Variants in HERC1 observed in about 807,000 individuals in gnomAD.
The protein encoded by HERC1 is HECT and RLD domain containing E3 ubiquitin protein ligase family member 1.
In HERC1, 160 loss-of-function variants were observed where a neutral mutation model predicts 554.3. The observed-to-expected ratio is 0.29, with a 90% CI of 0.25 to 0.33. The LOEUF (loss-of-function observed/expected upper bound fraction) is 0.33. Ranked by LOEUF, HERC1 falls within the 10% of genes least tolerant of loss-of-function variation. The probability of loss-of-function intolerance (pLI) is 1.00; values close to 1 mark genes in which losing one functional copy is unlikely to be tolerated. For synonymous variants in HERC1, 2,175 were observed against 2,131.7 expected, an observed-to-expected ratio of 1.02 and a Z score of -0.56; for missense variants, 4,919 against 5,918.5, an observed-to-expected ratio of 0.83 and a Z score of 5.54.
intron 32 of HERC1, among the ~76,000 whole-genome samples, chr15:63,689,935 G>C (rs1422098606): frequency 6.6e-6 from 1 of 151,972 alleles, no homozygotes; most frequent in Non-Finnish European, 1.5e-5. Flanking sequence ...AGGCTGAGGC[G>C]GGTGGATTGC....
chr15:63,729,385 T>C lies in HERC1; in HGVS notation c.3022-17A>G, dbSNP rs1408803728. 3.1e-6 allele frequency: 5 copies of C among 1,590,594 alleles called. No individual in the cohort carries two copies. The highest frequency in any genetic ancestry group is 1.4e-5 in the African/African-American group (1 of 73,352). ...GCTTGAGTTCTAAGAAGAAAAAAAG[T>C]TCCTAAATTACTACTTTGAAAGATT... On this transcript the variant is annotated splice_polypyrimidine_tract_variant and intron_variant, in intron 15 of 77. Transcript: ENST00000443617.
At chr15:63,824,035 T>G (rs2077796820) in intron 1 of HERC1, among the ~76,000 whole-genome samples, 1 of 152,064 alleles carries the variant, frequency 6.6e-6, no homozygotes, top group African/African-American at 2.4e-5. Flanking sequence ...TAAAAATGCC[T>G]CAACATCACT....
chr15:63,768,129 T>C (rs540832974), intron 2 of HERC1, among the ~76,000 whole-genome samples: 1 of 152,374 alleles, frequency 6.6e-6, no homozygotes, highest in South Asian at 2.1e-4. Context: ...ACATTGCTCA[T>C]CGTCTTCAGA....
In HERC1 at chr15:63,634,987, T is replaced by A. The variant is rs1172511975; in HGVS notation, c.12415-99A>T. On this transcript the variant is annotated intron_variant, in intron 65 of 77. Transcript: ENST00000443617. ...TATTAATATAGCAATAAACTTTACA[T>A]AAACTTCACTGAAAACTGGATCTTC... 5.0e-6 allele frequency: 4 copies of A among 793,818 alleles called. No individual in the cohort carries two copies. The African/African-American group carries it at 7.1e-5, about 14-fold the overall frequency. 49.2% of individuals were successfully genotyped at this position (793,818 alleles called of 1,614,324 possible). A position where few individuals can be genotyped will look rare whatever the true frequency, so the allele number is the denominator to read the frequency against.
chr15:63,673,414 G>A (rs985026703), intron 38 of HERC1, among the ~76,000 whole-genome samples: 1 of 151,922 alleles, frequency 6.6e-6, no homozygotes, highest in African/African-American at 2.4e-5. Flanking sequence ...AGAAGAAAAG[G>A]AATAAGTACA....
At chr15:63,663,318 G>T in intron 43 of HERC1, 114 bp from the exon 44 acceptor site, 1 of 837,710 alleles carries the variant, frequency 1.2e-6, no homozygotes. Flanking sequence ...TTGTCTTATT[G>T]GATCTCAGAC....
chr15:63,774,998 G>A lies in HERC1; in HGVS notation c.626C>T (p.Ala209Val). Residue 209 changes from alanine to valine, a missense_variant, in exon 2 of 78, where the codon GCA becomes GTA. This residue lies in a region of HERC1 where 744 missense variants were observed against 1,090.0 expected (regional missense o/e 0.68). Coordinates refer to ENST00000443617, the MANE Select transcript of HERC1 (RefSeq NM_003922.4). ...CATAGGAGGAATCTTGCTTTCATTT[G>A]CTAATGATAATGGTGGCAAAGAGCT... ...VVSSLPPLSL[A>V]NESKIPPMGL... 5 of 1,613,996 alleles carry A rather than the reference G, an allele frequency of 3.1e-6. No homozygotes were observed. The highest frequency in any genetic ancestry group is 3.4e-6 in the Non-Finnish European group (4 of 1,179,870).
intron 12 of HERC1, among the ~76,000 whole-genome samples, chr15:63,745,805 G>A (rs1351363140): frequency 6.6e-6 from 1 of 152,222 alleles, no homozygotes; most frequent in Admixed American, 6.5e-5. Context: ...GGAATGATCA[G>A]TGGAGCCTTC....
chr15:63,799,166 C>T (rs975286200), intron 1 of HERC1, among the ~76,000 whole-genome samples: 2 of 152,144 alleles, frequency 1.3e-5, no homozygotes, highest in Non-Finnish European at 2.9e-5. Flanking sequence ...TTCTGCCTAT[C>T]TCTTTCCTCA....
chr15:63,713,626 C>G lies in HERC1; in HGVS notation c.4190G>C (p.Arg1397Pro). Reference protein sequence around the residue: ...QCFLSAREVARSRDRDRMNSG... With the variant: ...QCFLSAREVAPSRDRDRMNSG... The stretch of plus-strand genomic sequence containing the variant: ...GTTCATTCTATCTCGGTCTCGGCTA[C>G]GAGCTACTTCACGGGCTGAGAGGAA... The change falls in exon 23 of 78, where the codon CGT becomes CCT. Residue 1397 changes from arginine to proline, a missense_variant. By Grantham distance (103) the Arg-to-Pro change is moderately radical. Around this residue, in one of 11 missense-constraint regions of HERC1, gnomAD observed 1,121 missense variants for 1,244.0 expected, o/e 0.90. Transcript: ENST00000443617. 1 of 1,612,694 alleles carries G rather than the reference C, an allele frequency of 6.2e-7. No individual in the cohort carries two copies. The highest frequency in any genetic ancestry group is 2.2e-5 in the East Asian group (1 of 44,836).
chr15:63,695,374 C>A (rs1405043296), intron 27 of HERC1, among the ~76,000 whole-genome samples: 4 of 143,848 alleles, frequency 2.8e-5, no homozygotes, highest in Non-Finnish European at 4.5e-5. Context: ...ATTGTTGAGT[C>A]TGTATAATCT....
intron 2 of HERC1, 52 bp from the exon 3 acceptor site, chr15:63,764,243 A>T: frequency 8.3e-7 from 1 of 1,198,762 alleles, no homozygotes; most frequent in Non-Finnish European, 1.2e-6. Flanking sequence ...AGACATATGC[A>T]TTAAAATTAG....
chr15:63,626,382 T>A (rs1237407656), intron 70 of HERC1, among the ~76,000 whole-genome samples: 2 of 152,250 alleles, frequency 1.3e-5, no homozygotes, highest in Non-Finnish European at 2.9e-5. Context: ...AATGTCTTCA[T>A]TATTATGGAA....
intron 72 of HERC1, 104 bp downstream of exon 72, chr15:63,624,054 T>C (rs2068198501): frequency 1.6e-6 from 2 of 1,281,192 alleles, no homozygotes; most frequent in South Asian, 1.4e-5. Context: ...TATTACTATC[T>C]ACCCTGCCTT....
intron 7 of HERC1, among the ~76,000 whole-genome samples, chr15:63,753,312 A>G (rs1039163964): frequency 3.3e-5 from 5 of 152,212 alleles, no homozygotes; most frequent in African/African-American, 1.2e-4. Context: ...ATTAAAATCA[A>G]GCAATTTAAA....
chr15:63,643,630 T>C (rs569856329), intron 57 of HERC1, 80 bp from the exon 58 acceptor site: 1 of 1,110,206 alleles, frequency 9.0e-7, no homozygotes, highest in African/African-American at 1.6e-5. Context: ...CTCTTGGAAA[T>C]TTTATATTTC....
rs1260806030 is a variant in HERC1 at position 63,620,134 on chromosome 15, G to C, written c.13688+2681C>G. On this transcript the variant is annotated intron_variant, in intron 74 of 77. Coordinates refer to ENST00000443617, the MANE Select transcript of HERC1 (RefSeq NM_003922.4). ...CTGCTTTCTCTTGTGGGCATTTAGT[G>C]CTATAAATTTCCCTCTACACACTGC... 3.9e-5 allele frequency among the ~76,000 whole-genome samples: 6 copies of C among 152,046 alleles called. No homozygotes were observed. In the East Asian group the frequency reaches 1.2e-3, roughly 29 times the overall value.
chr15:63,812,029 G>C (rs769903555), intron 1 of HERC1, among the ~76,000 whole-genome samples: 3 of 152,064 alleles, frequency 2.0e-5, no homozygotes, highest in Non-Finnish European at 4.4e-5. Context: ...TAATTACAGT[G>C]AATCCATCTC....
At chr15:63,750,453 C>T (rs1222987753) in intron 8 of HERC1, among the ~76,000 whole-genome samples, 5 of 152,102 alleles carry the variant, frequency 3.3e-5, no homozygotes, top group Admixed American at 2.0e-4. Flanking sequence ...GACAATTTGG[C>T]AACCCAAAAT....
Sources: allele counts gnomAD v4.1 joint callset (sites outside exome capture counted in the v4.1 genomes callset), GRCh38; gene constraint gnomAD v4.1.1; regional missense constraint gnomAD v4.1.1; transcripts MANE v1.5; gene names NCBI Gene and HGNC (gene_info 2026-07-23, HGNC 2026-07-21).